Variants in NTRK3 observed in about 807,000 individuals in gnomAD.
NTRK3 encodes the protein neurotrophic receptor tyrosine kinase 3, also known as NT-3 growth factor receptor.
A neutral mutation model predicts 91.7 loss-of-function variants in NTRK3; 24 were observed. That is an observed-to-expected ratio of 0.26 (90% CI 0.19 to 0.37). The LOEUF (loss-of-function observed/expected upper bound fraction) is 0.37. Among genes scored for constraint, NTRK3 ranks in the 10% least tolerant of loss-of-function variants. The pLI, the probability that NTRK3 is intolerant of heterozygous loss-of-function variation, is 1.00. For synonymous variants in NTRK3, 483 were observed against 404.0 expected (o/e 1.20, Z -2.34); for missense variants, 880 against 1,068.9 (o/e 0.82, Z 2.46).
chr15:88,118,816 T>C (rs976394040), intron 13 of NTRK3, among the ~76,000 whole-genome samples: 1 of 152,078 alleles, frequency 6.6e-6, no homozygotes, highest in Non-Finnish European at 1.5e-5. Context: ...CTGGGTAAGG[T>C]ATCGCGGGGC....
chr15:88,203,127 C>G (rs929187017), intron 3 of NTRK3, among the ~76,000 whole-genome samples: 1 of 152,270 alleles, frequency 6.6e-6, no homozygotes, highest in East Asian at 1.9e-4. Flanking sequence ...GACAAATATC[C>G]CAGATCCAGT....
At chr15:88,112,072 A>G (rs1230931539) in intron 13 of NTRK3, among the ~76,000 whole-genome samples, 2 of 151,924 alleles carry the variant, frequency 1.3e-5, no homozygotes, top group African/African-American at 2.4e-5. Context: ...ACGCCCAGCT[A>G]ATTTTTTGTA....
chr15:87,869,990 T>A (rs1008439358), exon 19 of NTRK3: 5 of 192,926 alleles, frequency 2.6e-5, no homozygotes, highest in African/African-American at 1.2e-4. Flanking sequence ...GTTTTAGGGA[T>A]GTTGCATGTA....
At chr15:88,101,688 TA>T (rs1432686208) in intron 13 of NTRK3, among the ~76,000 whole-genome samples, 1 of 152,112 alleles carries the variant, frequency 6.6e-6, no homozygotes, top group Non-Finnish European at 1.5e-5. Context: ...TATGCAGCCA[TA>T]AAAAATGATG....
intron 17 of NTRK3, among the ~76,000 whole-genome samples, chr15:87,912,929 A>ATATAT (rs1555435273): frequency 0.041 from 598 of 14,590 alleles, 4 homozygotes; most frequent in South Asian, 0.1. Flanking sequence ...AAAGTAAAAA[A>ATATAT]AAATATATAT....
intron 13 of NTRK3, among the ~76,000 whole-genome samples, chr15:88,107,394 G>A (rs1333927830): frequency 6.6e-6 from 1 of 152,186 alleles, no homozygotes; most frequent in East Asian, 1.9e-4. Context: ...AAAGAGCTGT[G>A]ATCACATTAC....
intron 13 of NTRK3, among the ~76,000 whole-genome samples, chr15:88,115,199 C>T (rs1054577026): frequency 3.3e-5 from 5 of 152,174 alleles, no homozygotes; most frequent in Non-Finnish European, 5.9e-5. Flanking sequence ...CTTGGATGGC[C>T]CCTGATTTCT....
intron 14 of NTRK3, among the ~76,000 whole-genome samples, chr15:88,021,153 G>A (rs1193913581): frequency 6.6e-6 from 1 of 152,248 alleles, no homozygotes; most frequent in Non-Finnish European, 1.5e-5. Flanking sequence ...ATCCATTTAA[G>A]TGGAGGGCAC....
chr15:88,183,021 C>T (rs915178197), intron 5 of NTRK3, among the ~76,000 whole-genome samples: 4 of 142,440 alleles, frequency 2.8e-5, no homozygotes, highest in East Asian at 2.2e-4. Flanking sequence ...AACCCCCCCC[C>T]GCCCCCCGCC....
chr15:87,907,528 A>G (rs1043397585), intron 17 of NTRK3, among the ~76,000 whole-genome samples: 2 of 152,138 alleles, frequency 1.3e-5, no homozygotes, highest in Non-Finnish European at 2.9e-5. Flanking sequence ...CAGTATCAGG[A>G]TAATACTGTA....
intron 13 of NTRK3, among the ~76,000 whole-genome samples, chr15:88,036,087 G>C (rs1303506767): frequency 6.6e-6 from 1 of 152,018 alleles, no homozygotes; most frequent in Non-Finnish European, 1.5e-5. Flanking sequence ...GAACAGAAGA[G>C]ATGAATGGAA....
intron 3 of NTRK3, among the ~76,000 whole-genome samples, chr15:88,186,433 T>G (rs961406193): frequency 6.6e-6 from 1 of 152,180 alleles, no homozygotes; most frequent in Admixed American, 6.5e-5. Context: ...AACTCCTTGC[T>G]GCAAAGAGTC....
intron 3 of NTRK3, among the ~76,000 whole-genome samples, chr15:88,222,441 CT>C (rs370479555): frequency 4.6e-5 from 7 of 152,358 alleles, no homozygotes; most frequent in Non-Finnish European, 1.0e-4. Context: ...GTTCCTAACC[CT>C]GAAGCTGCCT....
intron 5 of NTRK3, among the ~76,000 whole-genome samples, chr15:88,165,016 G>A (rs1567562882): frequency 6.6e-6 from 1 of 152,188 alleles, no homozygotes; most frequent in African/African-American, 2.4e-5. Context: ...ATGGACCCTA[G>A]AGTCAACCCC....
intron 13 of NTRK3, among the ~76,000 whole-genome samples, chr15:88,106,527 G>C (rs1305752359): frequency 6.6e-6 from 1 of 152,224 alleles, no homozygotes; most frequent in Non-Finnish European, 1.5e-5. Flanking sequence ...TAGAGACAGG[G>C]TTACTGAATG....
intron 13 of NTRK3, among the ~76,000 whole-genome samples, chr15:88,116,273 C>A (rs556114006): frequency 6.6e-6 from 1 of 152,138 alleles, no homozygotes; most frequent in Non-Finnish European, 1.5e-5. Flanking sequence ...GAGGATAGAA[C>A]TGAAATGCCT....
intron 13 of NTRK3, among the ~76,000 whole-genome samples, chr15:88,113,614 T>C (rs2051696497): frequency 6.6e-6 from 1 of 152,064 alleles, no homozygotes; most frequent in African/African-American, 2.4e-5. Context: ...CCACAGCTGG[T>C]CTAACTTTTT....
intron 17 of NTRK3, among the ~76,000 whole-genome samples, chr15:87,915,749 C>A (rs1460436799): frequency 6.6e-6 from 1 of 152,110 alleles, no homozygotes; most frequent in Non-Finnish European, 1.5e-5. Context: ...AGAATAATAG[C>A]CATCTATTGG....
chr15:87,936,313 C>T (rs964154253), intron 15 of NTRK3, among the ~76,000 whole-genome samples: 1 of 152,196 alleles, frequency 6.6e-6, no homozygotes, highest in African/African-American at 2.4e-5. Context: ...TTCTCTCCCT[C>T]TCTTTCTTCC....
Sources: allele counts gnomAD v4.1 joint callset (sites outside exome capture counted in the v4.1 genomes callset), GRCh38; gene constraint gnomAD v4.1.1; transcripts MANE v1.5; gene names NCBI Gene and HGNC (gene_info 2026-07-23, HGNC 2026-07-21).